PACRGL: variants seen among roughly 807,000 people sequenced by gnomAD.
The protein encoded by PACRGL is PACRG-like protein.
PACRGL carries 38 observed loss-of-function variants against 34.5 expected under a neutral mutation model. That is an observed-to-expected ratio of 1.10 (90% CI 0.85 to 1.44). The LOEUF (loss-of-function observed/expected upper bound fraction) is 1.44. Ranked by LOEUF, PACRGL falls within the 40% of genes most tolerant of loss-of-function variation. PACRGL has a pLI of 0.00. For missense variants in PACRGL, 305 were observed against 281.4 expected (o/e 1.08, Z -0.60); for synonymous variants, 128 against 100.1 (o/e 1.28, Z -1.66).
Position 20,729,969 on chromosome 4 carries a change from A to ATAAT in PACRGL, c.*2629_*2632dup. 8.0e-7 allele frequency: 1 copy of ATAAT among 1,254,612 alleles called. No homozygotes were observed. The highest frequency in any genetic ancestry group is 2.6e-5 in the East Asian group (1 of 38,536). 77.7% of individuals were successfully genotyped at this position (1,254,612 alleles called of 1,614,324 possible). A position where few individuals can be genotyped will look rare whatever the true frequency, so the allele number is the denominator to read the frequency against. ...TTATATTAAAACAAAGCTTGTTTGC[A>ATAAT]TAATATGCTTCAGTGTCAAGCTGAG... On this transcript the variant is annotated 3_prime_UTR_variant, in exon 9 of 9. Coordinates refer to ENST00000503585, the MANE Select transcript of PACRGL (RefSeq NM_001258345.3).
intron 3 of PACRGL, among the ~76,000 whole-genome samples, chr4:20,705,247 C>T (rs1214922181): frequency 6.6e-6 from 1 of 152,146 alleles, no homozygotes; most frequent in Non-Finnish European, 1.5e-5. Context: ...TTGCCCTCTC[C>T]TAACAATTTA....
Position 20,721,397 on chromosome 4 carries a change from C to T in PACRGL, c.610-3411C>T, listed in dbSNP as rs556982395. ...TTGTGTTCCTTTGGAGGGGGAGAGG[C>T]GCTTTGATTTTTAGAATTTTCAGGT... is the stretch of plus-strand genomic sequence containing the variant. On this transcript the variant is annotated intron_variant, in intron 7 of 8. Transcript: ENST00000503585. Among the ~76,000 whole-genome samples, 143 of 152,164 alleles carry T rather than the reference C, an allele frequency of 9.4e-4. 1 individual carries two copies. Among genetic ancestry groups the T allele is most frequent in the East Asian group, 1.9e-3 (10 of 5,172 alleles).
chr4:20,711,111 G>C (rs1362620354), intron 5 of PACRGL, among the ~76,000 whole-genome samples: 1 of 151,524 alleles, frequency 6.6e-6, no homozygotes, highest in East Asian at 1.9e-4. Flanking sequence ...AATTAGTTAT[G>C]TTTCCTTATT....
chr4:20,704,807 T>G lies in PACRGL; in HGVS notation c.200T>G (p.Ile67Ser), dbSNP rs999576792. 6.2e-7 allele frequency: 1 copy of G among 1,613,878 alleles called. No individual in the cohort carries two copies. The highest frequency in any genetic ancestry group is 1.3e-5 in the African/African-American group (1 of 75,036). Reference sequence around the variant, plus strand: ...AGTGATAAACTGAACCCTAAAACAATTAATCCGGTAGGTCCAAAACTATTC... The same window carrying G: ...AGTGATAAACTGAACCCTAAAACAAGTAATCCGGTAGGTCCAAAACTATTC... ...RPSDKLNPKT[I>S]NPFGEQSRVP... Residue 67 changes from isoleucine (I) to serine (S), a missense_variant, in exon 3 of 9, where the codon ATT (isoleucine) becomes AGT (serine). By Grantham distance (142) the Ile-to-Ser change is moderately radical (BLOSUM62 -2). Coordinates refer to ENST00000503585, the MANE Select transcript of PACRGL (RefSeq NM_001258345.3).
At chr4:20,737,533 CAG>C (rs144368110), downstream of PACRGL, among the ~76,000 whole-genome samples, 17,171 of 152,026 alleles carry the variant, frequency 0.11, 1,146 homozygotes, top group South Asian at 0.19. Flanking sequence ...ATACATGAGA[CAG>C]AAGAACATGG....
At chr4:20,716,322 A>T in intron 7 of PACRGL, 1 of 577,388 alleles carries the variant, frequency 1.7e-6, no homozygotes, top group Non-Finnish European at 3.0e-6. Flanking sequence ...TAGTGAAGTT[A>T]TTCATGCAGT....
chr4:20,698,591 C>A (rs923799217), upstream of PACRGL, among the ~76,000 whole-genome samples: 1 of 152,194 alleles, frequency 6.6e-6, no homozygotes, highest in Non-Finnish European at 1.5e-5. Context: ...AAAGCACCCA[C>A]CACTTATTGC....
intron 8 of PACRGL, among the ~76,000 whole-genome samples, chr4:20,748,862 T>C (rs1752995695): frequency 6.9e-6 from 1 of 145,132 alleles, no homozygotes; most frequent in South Asian, 2.2e-4. Context: ...TTGAATCATA[T>C]GAATTACGTG....
intron 7 of PACRGL, among the ~76,000 whole-genome samples, chr4:20,714,948 C>A (rs1181664159): frequency 1.3e-5 from 2 of 152,146 alleles, no homozygotes; most frequent in Non-Finnish European, 2.9e-5. Flanking sequence ...GACTATAAAT[C>A]ATGCTGCTAT....
At chr4:20,714,069 CGTT>C (rs1403067553) in intron 7 of PACRGL, among the ~76,000 whole-genome samples, 2 of 151,990 alleles carry the variant, frequency 1.3e-5, no homozygotes, top group African/African-American at 4.8e-5. Context: ...CTTTCTGTCT[CGTT>C]GATCTGTCTA....
At chr4:20,726,033 C>T (rs1156997637) in intron 8 of PACRGL, among the ~76,000 whole-genome samples, 2 of 151,988 alleles carry the variant, frequency 1.3e-5, no homozygotes, top group East Asian at 3.9e-4. Context: ...TGAACAAATG[C>T]TAAATAATGA....
chr4:20,765,350 G>C, the PACRGL span, among the ~76,000 whole-genome samples: 1 of 152,124 alleles, frequency 6.6e-6, no homozygotes, highest in African/African-American at 2.4e-5. Context: ...AGATGTACAC[G>C]GTGTATTTGT....
chr4:20,732,928 C>A, downstream of PACRGL: 1 of 579,088 alleles, frequency 1.7e-6, no homozygotes, highest in South Asian at 2.3e-5. Context: ...TGTTGGTTGT[C>A]CCAAAGGAAA....
At chr4:20,765,649 A>G in the PACRGL span, among the ~76,000 whole-genome samples, 1 of 152,188 alleles carries the variant, frequency 6.6e-6, no homozygotes, top group Admixed American at 6.5e-5. Context: ...TCCATCCAGT[A>G]TTTAGGAGCT....
At chr4:20,719,505 G>GCA (rs1741941993) in intron 7 of PACRGL, among the ~76,000 whole-genome samples, 1 of 152,102 alleles carries the variant, frequency 6.6e-6, no homozygotes, top group African/African-American at 2.4e-5. Context: ...CTTTAAATAT[G>GCA]TCCCAGAGAT....
downstream of PACRGL, chr4:20,734,635 G>C (rs1211053059): frequency 6.7e-7 from 1 of 1,496,448 alleles, no homozygotes; most frequent in Non-Finnish European, 9.1e-7. Context: ...TACCTCTTTA[G>C]TGATGTAGCC....
intron 5 of PACRGL, chr4:20,712,571 G>A (rs1737803466): frequency 2.7e-6 from 1 of 371,536 alleles, no homozygotes. Context: ...TCCATTGGAG[G>A]GGGGGCCCTG....
chr4:20,734,508 C>T (rs1319662141), downstream of PACRGL: 1 of 529,478 alleles, frequency 1.9e-6, no homozygotes, highest in Non-Finnish European at 3.3e-6. Context: ...TCTTCCACTA[C>T]ATAAAATATT....
At chr4:20,754,718 A>T (rs543153102), downstream of PACRGL, among the ~76,000 whole-genome samples, 194 of 152,284 alleles carry the variant, frequency 1.3e-3, no homozygotes, top group Non-Finnish European at 2.5e-3. Flanking sequence ...ATCCCTTTGG[A>T]TTTTGTGATA....
Sources: gnomAD v4.1 joint callset for allele counts (sites outside exome capture counted in the v4.1 genomes callset) on GRCh38, gnomAD v4.1.1 for gene constraint, MANE v1.5 for transcripts, NCBI Gene and HGNC (gene_info 2026-07-23, HGNC 2026-07-21) for gene names.